ZNF662: variants seen among roughly 807,000 people sequenced by gnomAD.
ZNF662 encodes zinc finger protein 662.
A neutral mutation model predicts 12.4 loss-of-function variants in ZNF662; 14 were observed. The ratio of observed to expected loss-of-function variants is 1.13; its 90% CI spans 0.75 to 1.77. The LOEUF is 1.77. Among genes scored for constraint, ZNF662 ranks in the 40% most tolerant of loss-of-function variants. The pLI, the probability that ZNF662 is intolerant of heterozygous loss-of-function variation, is 0.00. For synonymous variants in ZNF662, 184 were observed against 176.4 expected (o/e 1.04, Z -0.34); for missense variants, 550 against 515.6 (o/e 1.07, Z -0.65).
Position 42,912,247 on chromosome 3 carries a change from TAAAA to T in ZNF662, c.152-952_152-949del, listed in dbSNP as rs1210732779. Among the ~76,000 whole-genome samples the T allele has an allele frequency of 3.8e-5, 5 of 130,916 alleles. No homozygotes were observed. The East Asian group carries it at 1.1e-3, about 28-fold the overall frequency. The allele number at this position is 130,916 out of a possible 152,430, so 85.9% of individuals were successfully genotyped here. ...AATAAAATATATATAAATATATAAATAAAAATATAATATATATCTTATATATTAT... is the reference window on the plus strand; with the variant it reads ...AATAAAATATATATAAATATATAAATATATAATATATATCTTATATATTAT... On this transcript the variant is annotated intron_variant, in intron 3 of 4. Coordinates refer to ENST00000440367, the MANE Select transcript of ZNF662 (RefSeq NM_207404.4).
intron 3 of ZNF662, chr3:42,912,065 T>G (rs2088798724): frequency 1.3e-5 from 2 of 150,924 alleles, no homozygotes; most frequent in African/African-American, 4.9e-5. Flanking sequence ...TCTTGACGTT[T>G]TAAAGTGAGT....
At chr3:42,912,484 T>C (rs1312693162) in intron 3 of ZNF662, among the ~76,000 whole-genome samples, 1 of 37,784 alleles carries the variant, frequency 2.6e-5, no homozygotes, top group East Asian at 3.0e-3. Context: ...TTTTATATAT[T>C]TAATATATAT....
intron 3 of ZNF662, among the ~76,000 whole-genome samples, chr3:42,912,419 AT>A (rs1311166431): frequency 2.0e-5 from 2 of 97,908 alleles, no homozygotes; most frequent in African/African-American, 8.4e-5. Flanking sequence ...TATTATATAT[AT>A]TAATATATAT....
rs747493880 is a variant in ZNF662, at chr3:42,914,841, CTTTG to C, written c.773_776del (p.Val258GlyfsTer5). 3.7e-6 allele frequency: 6 copies of C among 1,613,840 alleles called. No homozygotes were observed. The highest frequency in any genetic ancestry group is 3.3e-5 in the South Asian group (3 of 91,064). ...ATGAATGTCAAGAATGTGCTAAGGCCTTTGTTTGGAAGTCAAACCTGATTCGTCA... is the reference window on the plus strand; with the variant it reads ...ATGAATGTCAAGAATGTGCTAAGGCCTTTGGAAGTCAAACCTGATTCGTCA... On this transcript the variant is annotated frameshift_variant, in exon 5 of 5. Transcript: ENST00000440367. LOFTEE classifies it low-confidence loss of function (END_TRUNC).
Position 42,908,715 on chromosome 3 carries a change from G to A in ZNF662, c.35-78G>A, listed in dbSNP as rs2088720613. 2.6e-6 allele frequency: 4 copies of A among 1,517,104 alleles called. No homozygotes were observed. In the Admixed American group the frequency reaches 5.4e-5, roughly 21 times the overall value. The allele number at this position is 1,517,104 out of a possible 1,614,324, so 94.0% of individuals were successfully genotyped here. Reference sequence around the variant, plus strand: ...GTTTTTTTCCCCTCCTACCCCTGAAGACACTGGCCTGGGAGGAGCCTTGGG... The same window carrying A: ...GTTTTTTTCCCCTCCTACCCCTGAAAACACTGGCCTGGGAGGAGCCTTGGG... On this transcript the variant is annotated intron_variant, in intron 2 of 4. Transcript: ENST00000440367.
In ZNF662 at chr3:42,914,482, AG is replaced by A. The variant is rs754181583; in HGVS notation, c.410del (p.Arg137AsnfsTer19). On this transcript the variant is annotated frameshift_variant, in exon 5 of 5. Transcript: ENST00000440367. LOFTEE classifies it low-confidence loss of function (END_TRUNC). ...CTGTGAAGAGAAAAGCAGGTTAGGG[AG>A]ATGGCCTGGTTACCTCAATGGGGGA... The part of the protein sequence containing the change: ...KTCEEKSRLG[R>X]WPGYLNGGRM... 28 of 1,614,098 alleles carry A rather than the reference AG, an allele frequency of 1.7e-5. No homozygotes were observed. The East Asian group carries it at 5.8e-4, about 33-fold the overall frequency.
chr3:42,908,246 A>G (rs1464832275), intron 2 of ZNF662, 98 bp downstream of exon 2: 1 of 1,495,434 alleles, frequency 6.7e-7, no homozygotes. Context: ...CCTCAGCTCA[A>G]TGGCAGCTTC....
rs1189111956 is a variant in ZNF662 at position 42,914,863 on chromosome 3, AT to A, written c.792del (p.Arg265ValfsTer139). The A allele has an allele frequency of 6.2e-7, 1 of 1,613,978 alleles. No homozygotes were observed. Among genetic ancestry groups the A allele is most frequent in the Non-Finnish European group, 8.5e-7 (1 of 1,180,000 alleles). On this transcript the variant is annotated frameshift_variant, in exon 5 of 5. Coordinates refer to ENST00000440367, the MANE Select transcript of ZNF662 (RefSeq NM_207404.4). LOFTEE classifies it low-confidence loss of function (END_TRUNC). Reference protein sequence around the residue: ...AKAFVWKSNLIRHQRIHTGEK... With the variant: ...AKAFVWKSNLXRHQRIHTGEK... ...GGCCTTTGTTTGGAAGTCAAACCTGATTCGTCACCAGAGAATACATACTGGA... is the reference window on the plus strand; with the variant it reads ...GGCCTTTGTTTGGAAGTCAAACCTGATCGTCACCAGAGAATACATACTGGA...
Position 42,914,957 on chromosome 3 carries a change from A to G in ZNF662, c.884A>G (p.Gln295Arg). The G allele has an allele frequency of 6.2e-7, 1 of 1,613,924 alleles. No individual in the cohort carries two copies. The highest frequency in any genetic ancestry group is 1.3e-5 in the African/African-American group (1 of 74,922). ...CAGAACACAAGCCTTACGCAACATC[A>G]ACGGATCCACACTGGTGAGAAACCA... ...FSQNTSLTQH[Q>R]RIHTGEKPYT... The change falls in exon 5 of 5, where the codon CAA becomes CGA. Residue 295 changes from glutamine (Q) to arginine (R), a missense_variant. Transcript: ENST00000440367.
intron 4 of ZNF662, among the ~76,000 whole-genome samples, chr3:42,913,960 T>A (rs1199256637): frequency 2.6e-5 from 4 of 151,974 alleles, no homozygotes; most frequent in Non-Finnish European, 5.9e-5. Context: ...AAGGATTCCT[T>A]ATTTCTGAAC....
At chr3:42,913,837 G>A (rs1322064460) in intron 4 of ZNF662, among the ~76,000 whole-genome samples, 1 of 152,132 alleles carries the variant, frequency 6.6e-6, no homozygotes, top group African/African-American at 2.4e-5. Flanking sequence ...TGAACTTGGT[G>A]CTTGGATTGA....
At chr3:42,912,642 A>ATATATATAAATATATATATATATTT (rs1553609503) in intron 3 of ZNF662, among the ~76,000 whole-genome samples, 1 of 59,486 alleles carries the variant, frequency 1.7e-5, no homozygotes, top group Non-Finnish European at 2.8e-5. Context: ...TATATATTTT[A>ATATATATAAATATATATATATATTT]TATATATATA....
chr3:42,908,973 T>C lies in ZNF662; in HGVS notation c.151+64T>C. ...TCTTGTCATGATCTTTAAAATGTCA[T>C]AGATAGGTGTTTTTTTAATCTAGTG... is the stretch of plus-strand genomic sequence containing the variant. On this transcript the variant is annotated intron_variant, in intron 3 of 4. Transcript: ENST00000440367. 11 of 1,140,520 alleles carry C rather than the reference T, an allele frequency of 9.6e-6. No individual in the cohort carries two copies. The South Asian group carries it at 1.5e-4, about 16-fold the overall frequency. 70.7% of individuals were successfully genotyped at this position (1,140,520 alleles called of 1,614,324 possible). A position where few individuals can be genotyped will look rare whatever the true frequency, so the allele number is the denominator to read the frequency against.
At chr3:42,908,198 G>A in intron 2 of ZNF662, 50 bp downstream of exon 2, 2 of 1,567,616 alleles carry the variant, frequency 1.3e-6, no homozygotes, top group Non-Finnish European at 8.7e-7. Context: ...GAGTTTGCTG[G>A]CTCCTTTTTT....
Position 42,908,122 on chromosome 3 carries a change from A to C in ZNF662, c.8A>C (p.Glu3Ala), listed in dbSNP as rs1220969611. 6.2e-7 allele frequency: 1 copy of C among 1,613,860 alleles called. No individual in the cohort carries two copies. The highest frequency in any genetic ancestry group is 8.5e-7 in the Non-Finnish European group (1 of 1,179,800). The change falls in exon 2 of 5, where the codon GAG (glutamate) becomes GCG (alanine). Residue 3 changes from glutamate to alanine, a missense_variant. Coordinates refer to ENST00000440367, the MANE Select transcript of ZNF662 (RefSeq NM_207404.4). Reference protein sequence around the residue: MLENYGAVASLAA... With the variant: MLANYGAVASLAA... ...GCCCTGTACAGGGATGTGATGCTGG[A>C]GAATTATGGGGCTGTGGCTTCCCTG...
intron 1 of ZNF662, among the ~76,000 whole-genome samples, chr3:42,907,008 C>T (rs1265746355): frequency 6.6e-6 from 1 of 152,076 alleles, no homozygotes; most frequent in Admixed American, 6.6e-5. Context: ...GCCTTGGAGC[C>T]CTGGAGTGCT....
Position 42,914,312 on chromosome 3 carries a change from A to G in ZNF662, c.254-15A>G. On this transcript the variant is annotated splice_polypyrimidine_tract_variant and intron_variant, in intron 4 of 4. Coordinates refer to ENST00000440367, the MANE Select transcript of ZNF662 (RefSeq NM_207404.4). ...GGATAATGATGACATTTGAAGCTCC[A>G]ATTTCTTTTTTCAGAGGGTGTGTTG... 6.4e-7 allele frequency: 1 copy of G among 1,573,504 alleles called. No individual in the cohort carries two copies. Among genetic ancestry groups the G allele is most frequent in the Non-Finnish European group, 8.6e-7 (1 of 1,164,628 alleles).
chr3:42,911,293 C>T (rs1440709674), intron 3 of ZNF662, among the ~76,000 whole-genome samples: 2 of 152,056 alleles, frequency 1.3e-5, no homozygotes, highest in Non-Finnish European at 2.9e-5. Flanking sequence ...CAAGTCAGAG[C>T]CTACCCTAGG....
intron 3 of ZNF662, among the ~76,000 whole-genome samples, chr3:42,910,665 T>G (rs576029332): frequency 3.7e-4 from 57 of 152,318 alleles, no homozygotes; most frequent in Admixed American, 1.6e-3. Flanking sequence ...GGGATTACTT[T>G]AGGCCCAACA....
Sources: allele counts gnomAD v4.1 joint callset (sites outside exome capture counted in the v4.1 genomes callset), GRCh38; gene constraint gnomAD v4.1.1; transcripts MANE v1.5; gene names NCBI Gene and HGNC (gene_info 2026-07-23, HGNC 2026-07-21).